Variants in SLC67A1 observed in about 807,000 individuals in gnomAD.
The protein encoded by SLC67A1 is solute carrier family 67 member A1.
chr11:2,900,692 CAAAAAAAAA>C, the SLC67A1 span, among the ~76,000 whole-genome samples: 3 of 59,640 alleles, frequency 5.0e-5, no homozygotes, highest in African/African-American at 6.6e-5. Flanking sequence ...GACTCCGTCT[CAAAAAAAAA>C]AAAAAAAAAA....
At chr11:2,909,156 A>G in the SLC67A1 span, 1 of 1,448,360 alleles carries the variant, frequency 6.9e-7, no homozygotes, top group Non-Finnish European at 9.1e-7. Flanking sequence ...GGGGACACTG[A>G]CCGCCTCCGT....
chr11:2,902,486 C>CG, the SLC67A1 span: 21 of 695,794 alleles, frequency 3.0e-5, no homozygotes, highest in East Asian at 1.4e-4. Flanking sequence ...CCTGCTCCCC[C>CG]CAGCCTCCCT....
the SLC67A1 span, chr11:2,922,221 T>C: frequency 6.2e-7 from 1 of 1,604,828 alleles, no homozygotes; most frequent in Non-Finnish European, 8.5e-7. Flanking sequence ...CTCCCCGCTT[T>C]GGGCCCACTC....
chr11:2,902,828 C>T, the SLC67A1 span: 90 of 811,434 alleles, frequency 1.1e-4, no homozygotes, highest in African/African-American at 1.6e-3. Flanking sequence ...GGAAGGTAGA[C>T]CTTCCCTGAG....
chr11:2,906,876 AAG>A, the SLC67A1 span, among the ~76,000 whole-genome samples: 6 of 122,130 alleles, frequency 4.9e-5, no homozygotes, highest in African/African-American at 1.5e-4. Flanking sequence ...AAAAAACAAA[AAG>A]AGAGAAAAGA....
At chr11:2,908,394 G>C in the SLC67A1 span, 8 of 1,228,142 alleles carry the variant, frequency 6.5e-6, no homozygotes, top group South Asian at 1.1e-4. Flanking sequence ...CAGACGCCAT[G>C]GGCTCAGACG....
At chr11:2,923,682 G>C in the SLC67A1 span, among the ~76,000 whole-genome samples, 1 of 152,166 alleles carries the variant, frequency 6.6e-6, no homozygotes, top group Admixed American at 6.5e-5. The surrounding 1 kb of genome is among the most constrained non-coding windows in gnomAD (Gnocchi z 6.5). Flanking sequence ...CTTTGGAGAG[G>C]CCAGGAGGAT....
the SLC67A1 span, chr11:2,903,294 G>T: frequency 6.3e-7 from 1 of 1,589,604 alleles, no homozygotes; most frequent in East Asian, 2.3e-5. Flanking sequence ...CCCCTGCTCC[G>T]CCAGCCTCCT....
the SLC67A1 span, chr11:2,902,671 G>A: frequency 2.0e-6 from 2 of 985,374 alleles, no homozygotes; most frequent in African/African-American, 3.5e-5. Flanking sequence ...CCACCAGTTG[G>A]AGGCCGGGCG....
At chr11:2,903,994 G>A in the SLC67A1 span, among the ~76,000 whole-genome samples, 8 of 152,242 alleles carry the variant, frequency 5.3e-5, no homozygotes, top group Non-Finnish European at 1.0e-4. Flanking sequence ...GCAAGAGATA[G>A]AATGCTGTCT....
the SLC67A1 span, chr11:2,909,465 G>A: frequency 6.9e-7 from 1 of 1,438,998 alleles, no homozygotes; most frequent in East Asian, 2.7e-5. Flanking sequence ...TGGCCCTAAG[G>A]GCTGGACGGG....
At chr11:2,909,278 G>A in the SLC67A1 span, 18 of 1,534,548 alleles carry the variant, frequency 1.2e-5, no homozygotes, top group Non-Finnish European at 1.3e-5. Flanking sequence ...CCTGGCGGCC[G>A]CCTCCAGCCC....
the SLC67A1 span, chr11:2,921,832 C>T: frequency 6.4e-6 from 3 of 472,414 alleles, no homozygotes; most frequent in Non-Finnish European, 1.1e-5. Context: ...CCGAGCCCAT[C>T]CCCGGTGTCC....
At chr11:2,918,183 C>G in the SLC67A1 span, 12 of 970,168 alleles carry the variant, frequency 1.2e-5, no homozygotes, top group African/African-American at 1.6e-5. Context: ...TGGCCTGTGC[C>G]CCACAGGTCC....
the SLC67A1 span, chr11:2,909,231 C>A: frequency 1.9e-6 from 3 of 1,539,466 alleles, no homozygotes; most frequent in Non-Finnish European, 2.6e-6. Context: ...GCGGCGCTCA[C>A]GCTCTCCTTC....
chr11:2,909,599 A>T, the SLC67A1 span: 3 of 1,530,350 alleles, frequency 2.0e-6, no homozygotes, highest in Non-Finnish European at 2.6e-6. Flanking sequence ...GTCATCACGG[A>T]CCTGTCGGCA....
chr11:2,902,535 G>A, the SLC67A1 span: 1 of 979,380 alleles, frequency 1.0e-6, no homozygotes, highest in Non-Finnish European at 1.2e-6. Context: ...CGCAGCTCCC[G>A]GACCCTCAGG....
At chr11:2,905,705 G>C in the SLC67A1 span, among the ~76,000 whole-genome samples, 2 of 152,228 alleles carry the variant, frequency 1.3e-5, no homozygotes, top group South Asian at 4.1e-4. Context: ...GAAGGAAAGA[G>C]ATGGAAAGAG....
At chr11:2,900,301 C>A in the SLC67A1 span, among the ~76,000 whole-genome samples, 1 of 152,174 alleles carries the variant, frequency 6.6e-6, no homozygotes, top group Non-Finnish European at 1.5e-5. Context: ...TGCTAAGAAA[C>A]CACCTCACAG....
Sources: allele counts gnomAD v4.1 joint callset (sites outside exome capture counted in the v4.1 genomes callset), GRCh38; gene constraint gnomAD v4.1.1; non-coding constraint Gnocchi (gnomAD v3.1); transcripts MANE v1.5; gene names NCBI Gene and HGNC (gene_info 2026-07-23, HGNC 2026-07-21).